DCLK1: variants seen among roughly 807,000 people sequenced by gnomAD.
DCLK1 encodes serine/threonine-protein kinase DCLK1.
Under a neutral mutation model 86.2 loss-of-function variants are expected in DCLK1, and 16 were observed. The ratio of observed to expected loss-of-function variants is 0.19; its 90% confidence interval spans 0.13 to 0.28. DCLK1 has a LOEUF of 0.28. Among genes scored for constraint, DCLK1 ranks in the 10% least tolerant of loss-of-function variants. DCLK1 has a pLI of 1.00. For missense variants in DCLK1, 590 were observed against 940.2 expected (o/e 0.63, Z 4.87); for synonymous variants, 369 against 370.5 (o/e 1.00, Z 0.05).
intron 2 of DCLK1, among the ~76,000 whole-genome samples, chr13:36,124,699 C>T (rs142089911): frequency 0.01 from 1,559 of 152,292 alleles, 11 homozygotes; most frequent in Non-Finnish European, 0.015. Context: ...TTGAGTTACA[C>T]GGCCTGAGCA....
chr13:36,052,224 C>G (rs1883146672), intron 3 of DCLK1, among the ~76,000 whole-genome samples: 1 of 152,124 alleles, frequency 6.6e-6, no homozygotes, highest in African/African-American at 2.4e-5. Context: ...GAGATGTTTC[C>G]TTTTATCTGG....
intron 3 of DCLK1, among the ~76,000 whole-genome samples, chr13:36,021,082 G>C (rs749833843): frequency 7.7e-4 from 117 of 152,112 alleles, no homozygotes; most frequent in Non-Finnish European, 1.4e-3. Flanking sequence ...ATGTATAAAG[G>C]TATAATTTGT....
intron 5 of DCLK1, among the ~76,000 whole-genome samples, chr13:35,859,763 C>T (rs548065239): frequency 3.9e-5 from 6 of 152,242 alleles, no homozygotes; most frequent in Non-Finnish European, 7.4e-5. Context: ...CTTATTGCTC[C>T]CTGTCCCCAA....
At position 35,810,962 on chromosome 13, in the gene DCLK1, C is replaced by T. The variant is rs1422411579; in HGVS notation, c.1561G>A (p.Glu521Lys). ...AGTGATTTGCTGCCATCTTGGTGCT[C>T]ATACACCTAAAACAAAGGTAAAAAT... The part of the protein sequence containing the change: ...DIKPENLLVY[E>K]HQDGSKSLKL... Residue 521 changes from glutamate to lysine, a missense_variant, in exon 12 of 17, where the codon GAG (glutamate) becomes AAG (lysine). Physicochemically the swap from Glu to Lys is moderately conservative, Grantham distance 56. Coordinates refer to ENST00000360631, the MANE Select transcript of DCLK1 (RefSeq NM_001330071.2). The T allele has an allele frequency of 1.9e-6, 3 of 1,613,776 alleles. No individual in the cohort carries two copies. The highest frequency in any genetic ancestry group is 2.5e-6 in the Non-Finnish European group (3 of 1,179,908).
rs1462010546 is a variant in DCLK1 at position 35,772,518 on chromosome 13, C to G, written c.*2017G>C. The stretch of plus-strand genomic sequence containing the variant: ...AGTAATTTCCAACTAGTTCAGTGTT[C>G]CTCATTAATATGGAATCTACCTACA... On this transcript the variant is annotated 3_prime_UTR_variant, in exon 17 of 17. Transcript: ENST00000360631. The G allele has an allele frequency of 2.6e-5, 4 of 151,924 alleles. No homozygotes were observed. The South Asian group carries it at 6.3e-4, about 24-fold the overall frequency. 9.4% of individuals were successfully genotyped at this position (151,924 alleles called of 1,614,324 possible). A position where few individuals can be genotyped will look rare whatever the true frequency, so the allele number is the denominator to read the frequency against.
chr13:35,936,386 C>T (rs1261430051), intron 4 of DCLK1, among the ~76,000 whole-genome samples: 3 of 152,166 alleles, frequency 2.0e-5, no homozygotes, highest in East Asian at 3.9e-4. Context: ...TGAGACAGAT[C>T]CTATTCCAGA....
At chr13:36,053,176 A>G (rs1472301102) in intron 3 of DCLK1, among the ~76,000 whole-genome samples, 2 of 152,206 alleles carry the variant, frequency 1.3e-5, no homozygotes, top group Non-Finnish European at 2.9e-5. Context: ...TCTACTTACT[A>G]TGAAATGCAA....
chr13:35,841,834 T>C (rs1869817919), intron 6 of DCLK1, among the ~76,000 whole-genome samples: 1 of 152,136 alleles, frequency 6.6e-6, no homozygotes, highest in Admixed American at 6.5e-5. Flanking sequence ...ACTAAATACT[T>C]TTCCAAGATG....
In DCLK1 at chr13:36,065,261, T is replaced by A. The variant is rs188644842; in HGVS notation, c.723+46608A>T. ...AAAATGGGCATAGAAACAGCACACA[T>A]CTTACAGGGTTGTTGTGAAGAGTAA... On this transcript the variant is annotated intron_variant, in intron 3 of 16. Transcript: ENST00000360631. Among the ~76,000 whole-genome samples, 762 of 152,300 alleles carry A rather than the reference T, an allele frequency of 5.0e-3. 8 individuals are homozygous for A. Among genetic ancestry groups the A allele is most frequent in the African/African-American group, 0.018 (735 of 41,572 alleles).
intron 4 of DCLK1, among the ~76,000 whole-genome samples, chr13:35,941,241 T>C (rs1460080816): frequency 6.6e-6 from 1 of 152,208 alleles, no homozygotes; most frequent in African/African-American, 2.4e-5. Context: ...TGCAGCAACC[T>C]AATAGGTTCT....
chr13:35,967,884 G>A (rs1184938), intron 3 of DCLK1, among the ~76,000 whole-genome samples: 6,624 of 151,996 alleles, frequency 0.044, 224 homozygotes, highest in Middle Eastern at 0.089. Flanking sequence ...TTAGCTGGGC[G>A]GTGGTACATT....
intron 3 of DCLK1, among the ~76,000 whole-genome samples, chr13:36,039,081 G>A (rs569724042): frequency 1.8e-4 from 27 of 152,288 alleles, no homozygotes; most frequent in African/African-American, 6.0e-4. Flanking sequence ...CTGGCATTTT[G>A]ATCTGTCACT....
intron 3 of DCLK1, among the ~76,000 whole-genome samples, chr13:36,102,649 C>T (rs976932365): frequency 2.6e-5 from 4 of 152,104 alleles, no homozygotes; most frequent in African/African-American, 7.2e-5. Flanking sequence ...TGTTACCTGG[C>T]ATGTACAAAA....
chr13:35,943,203 A>C (rs187173070), intron 4 of DCLK1, among the ~76,000 whole-genome samples: 1 of 152,260 alleles, frequency 6.6e-6, no homozygotes, highest in Admixed American at 6.5e-5. Flanking sequence ...AGGTTACATG[A>C]AGATGGAGGT....
intron 3 of DCLK1, among the ~76,000 whole-genome samples, chr13:36,078,843 T>C (rs909585960): frequency 2.0e-5 from 3 of 152,072 alleles, no homozygotes; most frequent in Non-Finnish European, 4.4e-5. Context: ...AAAAAATAGG[T>C]CTGATTTTTG....
At chr13:36,074,478 A>G (rs1884101058) in intron 3 of DCLK1, among the ~76,000 whole-genome samples, 1 of 13,860 alleles carries the variant, frequency 7.2e-5, no homozygotes, top group Non-Finnish European at 1.2e-4. Flanking sequence ...CAAAAAAAAA[A>G]AAAAAAAAAA....
chr13:35,859,599 G>A (rs1465625244), intron 5 of DCLK1, among the ~76,000 whole-genome samples: 1 of 152,098 alleles, frequency 6.6e-6, no homozygotes, highest in African/African-American at 2.4e-5. Flanking sequence ...GCGCATTGTT[G>A]AATAATACTC....
chr13:35,907,031 C>T (rs992862390), intron 4 of DCLK1, among the ~76,000 whole-genome samples: 8 of 152,270 alleles, frequency 5.3e-5, no homozygotes, highest in South Asian at 2.1e-4. Context: ...TGAAACGACC[C>T]GCCATGACTC....
intron 3 of DCLK1, among the ~76,000 whole-genome samples, chr13:36,014,280 T>C (rs1009438244): frequency 6.6e-6 from 1 of 152,198 alleles, no homozygotes; most frequent in African/African-American, 2.4e-5. Context: ...ATAAACAAAA[T>C]GCATGTTTGA....
Sources: allele counts gnomAD v4.1 joint callset (sites outside exome capture counted in the v4.1 genomes callset), GRCh38; gene constraint gnomAD v4.1.1; transcripts MANE v1.5; gene names NCBI Gene and HGNC (gene_info 2026-07-23, HGNC 2026-07-21).